CNTNAP5: variants seen among roughly 807,000 people sequenced by gnomAD.
The protein encoded by CNTNAP5 is contactin-associated protein-like 5.
CNTNAP5 carries 72 observed loss-of-function variants against 150.2 expected under a neutral mutation model. That is an observed-to-expected ratio of 0.48 (90% CI 0.40 to 0.58). The LOEUF is 0.58. CNTNAP5 is among the 20% of genes least tolerant of loss of function. CNTNAP5 has a pLI of 0.00. For synonymous variants in CNTNAP5, 672 were observed against 619.8 expected, an observed-to-expected ratio of 1.08 and a Z score of -1.25; for missense variants, 1,636 against 1,626.2, an observed-to-expected ratio of 1.01 and a Z score of -0.10.
chr2:124,723,565 C>T (rs1680092837), intron 13 of CNTNAP5, among the ~76,000 whole-genome samples: 1 of 152,136 alleles, frequency 6.6e-6, no homozygotes, highest in Non-Finnish European at 1.5e-5. Context: ...GTTTCCTTTG[C>T]TAGGACTGCC....
At chr2:124,728,374 A>G (rs1409199061) in intron 13 of CNTNAP5, among the ~76,000 whole-genome samples, 1 of 151,948 alleles carries the variant, frequency 6.6e-6, no homozygotes, top group Non-Finnish European at 1.5e-5. Flanking sequence ...TAGTTCTTTA[A>G]ATATTGCTTA....
At chr2:124,641,475 C>T (rs1468386515) in intron 12 of CNTNAP5, among the ~76,000 whole-genome samples, 1 of 152,058 alleles carries the variant, frequency 6.6e-6, no homozygotes, top group Non-Finnish European at 1.5e-5. Context: ...AAGGGAGAAA[C>T]ATATGAAAAA....
chr2:124,534,314 T>C (rs1246128850), intron 10 of CNTNAP5, among the ~76,000 whole-genome samples: 1 of 152,086 alleles, frequency 6.6e-6, no homozygotes. Flanking sequence ...GCAAGTTTAT[T>C]AAGAAAGTAA....
chr2:124,291,935 A>T (rs545284942), intron 3 of CNTNAP5, among the ~76,000 whole-genome samples: 1 of 152,144 alleles, frequency 6.6e-6, no homozygotes, highest in Non-Finnish European at 1.5e-5. Context: ...ACAGCATAAT[A>T]TTTTAAAGCC....
chr2:124,428,792 G>T (rs1692301063), intron 4 of CNTNAP5, among the ~76,000 whole-genome samples: 1 of 151,684 alleles, frequency 6.6e-6, no homozygotes, highest in Non-Finnish European at 1.5e-5. Context: ...TTTTCCCCCT[G>T]GGAAATGGAT....
At chr2:124,699,468 A>G (rs1679474319) in intron 13 of CNTNAP5, among the ~76,000 whole-genome samples, 1 of 152,168 alleles carries the variant, frequency 6.6e-6, no homozygotes, top group African/African-American at 2.4e-5. Context: ...CAGGACATTC[A>G]ATGCTGAGCG....
intron 22 of CNTNAP5, among the ~76,000 whole-genome samples, chr2:124,906,722 C>A (rs890019891): frequency 6.6e-6 from 1 of 152,074 alleles, no homozygotes; most frequent in African/African-American, 2.4e-5. Flanking sequence ...AATTTTTTAA[C>A]AAATTTGGTA....
intron 10 of CNTNAP5, among the ~76,000 whole-genome samples, chr2:124,536,315 C>A (rs1695230493): frequency 1.3e-5 from 2 of 152,190 alleles, no homozygotes; most frequent in Admixed American, 1.3e-4. Flanking sequence ...CAAGGCCTAC[C>A]AAGTGGGTTC....
In CNTNAP5 at chr2:124,360,161, G is replaced by T. The variant is rs1208135304; in HGVS notation, c.382-57282G>T. On this transcript the variant is annotated intron_variant, in intron 3 of 23. Transcript: ENST00000682447. ...TTTTTTGTTTTCCATTTGCTTGGTAGATCTTCCTCCATCCTTTTATTTTGA... is the reference window on the plus strand; with the variant it reads ...TTTTTTGTTTTCCATTTGCTTGGTATATCTTCCTCCATCCTTTTATTTTGA... Among the ~76,000 whole-genome samples, 786 of 149,158 alleles carry T rather than the reference G, an allele frequency of 5.3e-3. 7 individuals carry two copies. The highest frequency in any genetic ancestry group is 0.018 in the African/African-American group (743 of 40,680).
chr2:124,719,178 T>C (rs1393164475), intron 13 of CNTNAP5, among the ~76,000 whole-genome samples: 1 of 152,156 alleles, frequency 6.6e-6, no homozygotes, highest in Non-Finnish European at 1.5e-5. Flanking sequence ...TGGGTTTCAC[T>C]CTCTCCAGCT....
rs544702848 is a variant in CNTNAP5, at chr2:124,326,493, T to C, written c.381+84100T>C. ...GACAGAGAAAAAAACAAAATAATAT[T>C]TTATTAGAAAGTAAGTTTATTAAAG... On this transcript the variant is annotated intron_variant, in intron 3 of 23. Coordinates refer to ENST00000682447, the MANE Select transcript of CNTNAP5 (RefSeq NM_001367498.1). Among the ~76,000 whole-genome samples, 4 of 152,256 alleles carry C rather than the reference T, an allele frequency of 2.6e-5. No homozygotes were observed. The South Asian group carries it at 6.2e-4, about 24-fold the overall frequency.
chr2:124,889,867 G>A (rs2104746972), intron 21 of CNTNAP5, among the ~76,000 whole-genome samples: 1 of 152,070 alleles, frequency 6.6e-6, no homozygotes, highest in Middle Eastern at 3.4e-3. Flanking sequence ...TGTTATATGT[G>A]CTAGGATGCT....
chr2:124,684,661 C>T (rs751206156), intron 13 of CNTNAP5, among the ~76,000 whole-genome samples: 3 of 152,118 alleles, frequency 2.0e-5, no homozygotes, highest in East Asian at 1.9e-4. Flanking sequence ...TCCCACCTTG[C>T]GGAGTAGTCT....
intron 4 of CNTNAP5, 97 bp from the exon 5 acceptor site, chr2:124,434,387 A>G: frequency 1.0e-6 from 1 of 969,504 alleles, no homozygotes; most frequent in East Asian, 2.4e-5. Context: ...TCTCAAGAAC[A>G]TTTCTGTGAA....
intron 3 of CNTNAP5, among the ~76,000 whole-genome samples, chr2:124,265,091 T>A (rs939062966): frequency 6.6e-6 from 1 of 152,206 alleles, no homozygotes; most frequent in Non-Finnish European, 1.5e-5. Context: ...GTTAGGAACA[T>A]GTAAATTCAC....
At chr2:124,572,749 G>A (rs10175983) in intron 11 of CNTNAP5, among the ~76,000 whole-genome samples, 2,618 of 152,218 alleles carry the variant, frequency 0.017, 68 homozygotes, top group African/African-American at 0.06. Flanking sequence ...GTTAGACTCC[G>A]GCGGCTCTTC....
intron 3 of CNTNAP5, among the ~76,000 whole-genome samples, chr2:124,402,209 C>G (rs1187396926): frequency 6.6e-6 from 1 of 152,072 alleles, no homozygotes; most frequent in African/African-American, 2.4e-5. Flanking sequence ...AAGGCCAGGA[C>G]AAGGAGACTA....
intron 6 of CNTNAP5, among the ~76,000 whole-genome samples, chr2:124,450,556 CA>C (rs11299541): frequency 0.39 from 25,237 of 65,124 alleles, 2,003 homozygotes; most frequent in South Asian, 0.47. Flanking sequence ...AATCTGCTGT[CA>C]AAAAAAAAAA....
Position 124,350,765 on chromosome 2 carries a change from T to C in CNTNAP5, c.382-66678T>C, listed in dbSNP as rs115983630. Among the ~76,000 whole-genome samples, 568 of 152,296 alleles carry C rather than the reference T, an allele frequency of 3.7e-3. 3 individuals are homozygous for C. Among genetic ancestry groups the C allele is most frequent in the African/African-American group, 0.013 (547 of 41,576 alleles). On this transcript the variant is annotated intron_variant, in intron 3 of 23. Coordinates refer to ENST00000682447, the MANE Select transcript of CNTNAP5 (RefSeq NM_001367498.1). ...ATATATTTTGCTAACCAAAAATAAATGATTAAGACTAAAATTCTTGGACCC... is the reference window on the plus strand; with the variant it reads ...ATATATTTTGCTAACCAAAAATAAACGATTAAGACTAAAATTCTTGGACCC...
Sources: allele counts gnomAD v4.1 joint callset (sites outside exome capture counted in the v4.1 genomes callset), GRCh38; gene constraint gnomAD v4.1.1; transcripts MANE v1.5; gene names NCBI Gene and HGNC (gene_info 2026-07-23, HGNC 2026-07-21).